Variants in AGFG1 observed in about 807,000 individuals in gnomAD.
AGFG1 encodes the protein arf-GAP domain and FG repeat-containing protein 1.
AGFG1 carries 10 observed loss-of-function variants against 60.6 expected under a neutral mutation model. The ratio of observed to expected loss-of-function variants is 0.16; its 90% CI spans 0.10 to 0.28. The LOEUF (loss-of-function observed/expected upper bound fraction) is 0.28, where lower values mean the gene tolerates loss of function less well. AGFG1 is among the 10% of genes least tolerant of loss of function. The probability of loss-of-function intolerance (pLI) is 1.00; values close to 1 mark genes in which losing one functional copy is unlikely to be tolerated. For synonymous variants in AGFG1, 247 were observed against 242.9 expected (o/e 1.02, Z -0.16); for missense variants, 537 against 676.5 (o/e 0.79, Z 2.29).
At chr2:227,496,809 A>AT (rs1690987938) in intron 2 of AGFG1, among the ~76,000 whole-genome samples, 1 of 152,054 alleles carries the variant, frequency 6.6e-6, no homozygotes, top group Non-Finnish European at 1.5e-5. Flanking sequence ...ATCAATTTTT[A>AT]TTTTCATTCC....
intron 7 of AGFG1, 142 bp downstream of exon 7, chr2:227,533,900 T>C (rs1364358084): frequency 2.8e-6 from 2 of 722,044 alleles, no homozygotes; most frequent in Non-Finnish European, 4.5e-6. Flanking sequence ...TTGAGTAAAA[T>C]GTTCACTTGA....
At chr2:227,510,364 A>C (rs918967742) in intron 2 of AGFG1, among the ~76,000 whole-genome samples, 1 of 152,188 alleles carries the variant, frequency 6.6e-6, no homozygotes, top group Non-Finnish European at 1.5e-5. Flanking sequence ...AATTGAATTA[A>C]GGTTCACAGA....
intron 8 of AGFG1, 33 bp downstream of exon 8, chr2:227,535,058 G>T: frequency 6.8e-7 from 1 of 1,461,596 alleles, no homozygotes. Context: ...CCTGCTTTGT[G>T]TTTTATCTTT....
chr2:227,474,479 C>T (rs983708246), intron 1 of AGFG1, among the ~76,000 whole-genome samples: 2 of 152,172 alleles, frequency 1.3e-5, no homozygotes, highest in East Asian at 1.9e-4. Flanking sequence ...AAGGATATCT[C>T]AGTATAATGA....
Position 227,555,917 on chromosome 2 carries a change from T to G in AGFG1, c.*1422T>G. On this transcript the variant is annotated 3_prime_UTR_variant, in exon 13 of 13. Coordinates refer to ENST00000310078, the MANE Select transcript of AGFG1 (RefSeq NM_004504.5). ...GATTTTAATAAATTTAATTATTTGC[T>G]TGTCCAGACTATAGCATATTAGCTG... 6.6e-6 allele frequency: 1 copy of G among 152,200 alleles called. No individual in the cohort carries two copies. Among genetic ancestry groups the G allele is most frequent in the Non-Finnish European group, 1.5e-5 (1 of 68,020 alleles). 9.4% of individuals were successfully genotyped at this position (152,200 alleles called of 1,614,324 possible).
Position 227,534,893 on chromosome 2 carries a change from G to T in AGFG1, c.1073G>T (p.Gly358Val). ...GGGACCACAGGTAAAGCTCCTGTTG[G>T]TTCTGTGGTTTCAGTTCCCAGTCAG... is the stretch of plus-strand genomic sequence containing the variant. ...GFGTTGKAPV[G>V]SVVSVPSQSS... Residue 358 changes from glycine (G) to valine (V), a missense_variant, in exon 8 of 13, where the codon GGT (glycine) becomes GTT (valine). Coordinates refer to ENST00000310078, the MANE Select transcript of AGFG1 (RefSeq NM_004504.5). 3 of 1,613,834 alleles carry T rather than the reference G, an allele frequency of 1.9e-6. No homozygotes were observed. Among genetic ancestry groups the T allele is most frequent in the Non-Finnish European group, 2.5e-6 (3 of 1,179,834 alleles).
chr2:227,497,730 G>GTTTT (rs148621752), intron 2 of AGFG1, among the ~76,000 whole-genome samples: 422 of 38,904 alleles, frequency 0.011, 51 homozygotes, highest in Middle Eastern at 0.033. Context: ...TTTCTTTCTT[G>GTTTT]TTTTGTTTTT....
At chr2:227,509,156 A>G (rs1308406886) in intron 2 of AGFG1, among the ~76,000 whole-genome samples, 3 of 152,338 alleles carry the variant, frequency 2.0e-5, no homozygotes, top group East Asian at 1.9e-4. Context: ...TAATCCAAGT[A>G]TACACCAGTA....
chr2:227,531,713 G>T (rs924087041), intron 6 of AGFG1, among the ~76,000 whole-genome samples: 1 of 151,778 alleles, frequency 6.6e-6, no homozygotes, highest in Admixed American at 6.6e-5. Context: ...GATTACAGGT[G>T]TGAGCCACTG....
intron 11 of AGFG1, 77 bp from the exon 12 acceptor site, chr2:227,553,627 A>C (rs529214170): frequency 8.3e-7 from 1 of 1,203,016 alleles, no homozygotes; most frequent in East Asian, 2.3e-5. Flanking sequence ...TGTCTCTGAA[A>C]GTTATTATGA....
At chr2:227,483,406 T>A (rs1161978990) in intron 1 of AGFG1, among the ~76,000 whole-genome samples, 1 of 152,136 alleles carries the variant, frequency 6.6e-6, no homozygotes, top group Non-Finnish European at 1.5e-5. Context: ...GTTCTGTGAA[T>A]CTTAACATAT....
At position 227,482,370 on chromosome 2, in the gene AGFG1, A is replaced by T. The variant is rs141955629; in HGVS notation, c.168-9177A>T. Among the ~76,000 whole-genome samples, 225 of 152,148 alleles carry T rather than the reference A, an allele frequency of 1.5e-3. 3 individuals carry two copies. The highest frequency in any genetic ancestry group is 5.1e-3 in the African/African-American group (211 of 41,512). The stretch of plus-strand genomic sequence containing the variant: ...AATATATTCAGTTTTTTAATGTTGG[A>T]CTCTGGATAGACGAATATTTTGGAC... On this transcript the variant is annotated intron_variant, in intron 1 of 12. Transcript: ENST00000310078.
chr2:227,495,272 G>C (rs1286081720), intron 2 of AGFG1, among the ~76,000 whole-genome samples: 1 of 151,910 alleles, frequency 6.6e-6, no homozygotes, highest in African/African-American at 2.4e-5. Context: ...TAGTGATCTT[G>C]GCACTGTAGC....
At chr2:227,477,474 T>TC (rs1690320490) in intron 1 of AGFG1, among the ~76,000 whole-genome samples, 2 of 152,256 alleles carry the variant, frequency 1.3e-5, no homozygotes, top group Admixed American at 6.5e-5. Flanking sequence ...CTGGAACTGA[T>TC]GCTGATTCCA....
chr2:227,505,460 GGCATTTTGATACTGTTCT>G (rs143882577), intron 2 of AGFG1, among the ~76,000 whole-genome samples: 7,433 of 152,140 alleles, frequency 0.049, 252 homozygotes, highest in African/African-American at 0.1. Context: ...ATGGATGTTA[GGCATTTTGATACTGTTCT>G]GCAGTTTCCA....
intron 1 of AGFG1, among the ~76,000 whole-genome samples, chr2:227,487,390 T>G (rs1002898666): frequency 1.3e-5 from 2 of 151,082 alleles, no homozygotes; most frequent in African/African-American, 2.4e-5. Context: ...GTTTGTCTGT[T>G]TTTTTTTTGC....
chr2:227,553,545 C>T (rs981358142), intron 11 of AGFG1, among the ~76,000 whole-genome samples, 159 bp from the exon 12 acceptor site: 1 of 150,104 alleles, frequency 6.7e-6, no homozygotes, highest in Non-Finnish European at 1.5e-5. Flanking sequence ...GTAAGTTTGT[C>T]TTTGGTATCT....
At position 227,531,136 on chromosome 2, in the gene AGFG1, G is replaced by T; in HGVS notation, c.740G>T (p.Gly247Val). Residue 247 changes from glycine (G) to valine (V), a missense_variant, in exon 6 of 13, where the codon GGA becomes GTA. By Grantham distance (109) the Gly-to-Val change is moderately radical. Around this residue, in one of 4 missense-constraint regions of AGFG1, gnomAD observed 287 missense variants for 343.6 expected, o/e 0.84. Transcript: ENST00000310078. Reference protein sequence around the residue: ...NADFANFDAFGQSSGSSNFGG... With the variant: ...NADFANFDAFVQSSGSSNFGG... ...GATTTTGCAAACTTTGATGCATTTG[G>T]ACAGTCTAGTGGTTCGAGTAATTTT... The T allele has an allele frequency of 1.2e-6, 2 of 1,613,496 alleles. No homozygotes were observed. The highest frequency in any genetic ancestry group is 1.7e-6 in the Non-Finnish European group (2 of 1,179,632).
intron 2 of AGFG1, among the ~76,000 whole-genome samples, chr2:227,517,319 G>A (rs1322921356): frequency 6.6e-6 from 1 of 152,210 alleles, no homozygotes; most frequent in Non-Finnish European, 1.5e-5. Context: ...AGGCTGGAGT[G>A]CAGTGGCGCA....
Sources: gnomAD v4.1 joint callset for allele counts (sites outside exome capture counted in the v4.1 genomes callset) on GRCh38, gnomAD v4.1.1 for gene constraint, gnomAD v4.1.1 regional missense constraint, MANE v1.5 for transcripts, NCBI Gene and HGNC (gene_info 2026-07-23, HGNC 2026-07-21) for gene names.